The following PRKAA1 variants were observed in gnomAD, a reference collection of about 807,000 sequenced individuals.
The protein encoded by PRKAA1 is protein kinase AMP-activated catalytic subunit alpha 1.
Under a neutral mutation model 56.9 loss-of-function variants are expected in PRKAA1, and 23 were observed. The ratio of observed to expected loss-of-function variants is 0.40; its 90% CI spans 0.29 to 0.57. PRKAA1 has a LOEUF of 0.57. PRKAA1 is among the 20% of genes least tolerant of loss of function. PRKAA1 has a pLI of 0.39. For missense variants in PRKAA1, 413 were observed against 679.7 expected, an observed-to-expected ratio of 0.61 and a Z score of 4.36; for synonymous variants, 226 against 227.0, an observed-to-expected ratio of 1.00 and a Z score of 0.04.
At chr5:40,785,492 C>T (rs1325627394) in intron 1 of PRKAA1, among the ~76,000 whole-genome samples, 3 of 151,920 alleles carry the variant, frequency 2.0e-5, no homozygotes, top group Non-Finnish European at 4.4e-5. Context: ...CGCCCCCCCT[C>T]GGCCTCCCAA....
At position 40,798,285 on chromosome 5, in the gene PRKAA1, C is replaced by G. The variant is rs917467643; in HGVS notation, c.-96G>C. The G allele has an allele frequency of 8.5e-6, 6 of 709,926 alleles. No homozygotes were observed. The highest frequency in any genetic ancestry group is 1.2e-5 in the Non-Finnish European group (6 of 502,854). The allele number at this position is 709,926 out of a possible 1,614,324, so 44.0% of individuals were successfully genotyped here. A position where few individuals can be genotyped will look rare whatever the true frequency, so the allele number is the denominator to read the frequency against. On this transcript the variant is annotated 5_prime_UTR_variant, in exon 1 of 9. Coordinates refer to ENST00000397128, the MANE Select transcript of PRKAA1 (RefSeq NM_006251.6). ...CGGGAGGGCAGCCACCGAGCCGAGT[C>G]ACCGCCCTGCGCCGCCAGCCCAGGC...
Position 40,777,479 on chromosome 5 carries a change from G to T in PRKAA1, c.235C>A (p.Leu79Ile). The T allele has an allele frequency of 6.2e-7, 1 of 1,613,532 alleles. No homozygotes were observed. The highest frequency in any genetic ancestry group is 8.5e-7 in the Non-Finnish European group (1 of 1,179,460). ...ATATGAGGATGCCTGAAAAGCTTGAGGTTCTGAATTTCTCTGCGGATTTTT... is the reference window on the plus strand; with the variant it reads ...ATATGAGGATGCCTGAAAAGCTTGATGTTCTGAATTTCTCTGCGGATTTTT... ...VGKIRREIQN[L>I]KLFRHPHIIK... The change falls in exon 2 of 9, where the codon CTC becomes ATC. Residue 79 changes from leucine (L) to isoleucine (I), a missense_variant. Physicochemically the swap from Leu to Ile is conservative, Grantham distance 5 (BLOSUM62 2). Around this residue, in one of 9 missense-constraint regions of PRKAA1, gnomAD observed 16 missense variants for 30.9 expected, o/e 0.52. Transcript: ENST00000397128.
chr5:40,766,678 G>C (rs191434372), intron 6 of PRKAA1, among the ~76,000 whole-genome samples: 64 of 151,952 alleles, frequency 4.2e-4, no homozygotes, highest in Non-Finnish European at 6.0e-4. Context: ...AAATAAAATA[G>C]CCACCCACAA....
At chr5:40,767,324 AAAAT>A (rs1038810141) in intron 6 of PRKAA1, 138 bp downstream of exon 6, 9 of 626,650 alleles carry the variant, frequency 1.4e-5, no homozygotes, top group Admixed American at 3.5e-5. Flanking sequence ...ATAACAAAAT[AAAAT>A]AAATGTGTCT....
At position 40,765,181 on chromosome 5, in the gene PRKAA1, T is replaced by A; in HGVS notation, c.879A>T (p.Ser293=). ...LPKYLFPEDP[S]YSSTMIDDEA... is the part of the protein sequence containing the mutation. ...CATCATCAATCATGGTTGAACTATATGATGGATCCTCAGGAAAGAGATATT... is the reference window on the plus strand; with the variant it reads ...CATCATCAATCATGGTTGAACTATAAGATGGATCCTCAGGAAAGAGATATT... Residue 293 remains serine (S), a synonymous_variant, in exon 7 of 9, where the codon TCA becomes TCT. Transcript: ENST00000397128. 6.2e-7 allele frequency: 1 copy of A among 1,614,024 alleles called. No individual in the cohort carries two copies. The highest frequency in any genetic ancestry group is 1.6e-4 in the Middle Eastern group (1 of 6,062).
chr5:40,784,529 C>T (rs1327474920), intron 1 of PRKAA1, among the ~76,000 whole-genome samples: 2 of 152,164 alleles, frequency 1.3e-5, no homozygotes, highest in East Asian at 3.8e-4. Flanking sequence ...ACTACAGGAA[C>T]ACTTGTTTGG....
At position 40,765,179 on chromosome 5, in the gene PRKAA1, T is replaced by C. The variant is rs542464918; in HGVS notation, c.881A>G (p.Tyr294Cys). ...TTCATCATCAATCATGGTTGAACTA[T>C]ATGATGGATCCTCAGGAAAGAGATA... is the stretch of plus-strand genomic sequence containing the variant. ...PKYLFPEDPS[Y>C]SSTMIDDEAL... Residue 294 changes from tyrosine to cysteine, a missense_variant, in exon 7 of 9, where the codon TAT (tyrosine) becomes TGT (cysteine). This residue lies in a region of PRKAA1 where 113 missense variants were observed against 198.6 expected (regional missense o/e 0.57). Transcript: ENST00000397128. The C allele has an allele frequency of 4.2e-5, 68 of 1,613,930 alleles. No individual in the cohort carries two copies. The Admixed American group carries it at 6.5e-4, about 15-fold the overall frequency.
Position 40,795,012 on chromosome 5 carries a change from C to T in PRKAA1, c.127+3051G>A, listed in dbSNP as rs895250199. ...ACTGTGGTGTATACATATATATACACACACACACACACACACACACACAAA... is the reference window on the plus strand; with the variant it reads ...ACTGTGGTGTATACATATATATACATACACACACACACACACACACACAAA... On this transcript the variant is annotated intron_variant, in intron 1 of 8. Coordinates refer to ENST00000397128, the MANE Select transcript of PRKAA1 (RefSeq NM_006251.6). Among the ~76,000 whole-genome samples, 81 of 149,648 alleles carry T rather than the reference C, an allele frequency of 5.4e-4. 1 individual carries two copies. The highest frequency in any genetic ancestry group is 1.3e-3 in the African/African-American group (54 of 40,916).
At chr5:40,790,786 C>A (rs1744688755) in intron 1 of PRKAA1, among the ~76,000 whole-genome samples, 1 of 152,152 alleles carries the variant, frequency 6.6e-6, no homozygotes, top group Admixed American at 6.5e-5. Context: ...GATCTGCCCG[C>A]CTTAGCCTCC....
intron 6 of PRKAA1, 40 bp downstream of exon 6, chr5:40,767,426 G>A: frequency 3.3e-6 from 5 of 1,506,788 alleles, no homozygotes; most frequent in Non-Finnish European, 4.6e-6. Flanking sequence ...TTTTATCATG[G>A]ATACTATCAG....
Position 40,765,213 on chromosome 5 carries a change from G to A in PRKAA1, c.847C>T (p.Leu283Phe). The A allele has an allele frequency of 6.2e-7, 1 of 1,613,290 alleles. No individual in the cohort carries two copies. Among genetic ancestry groups the A allele is most frequent in the Non-Finnish European group, 8.5e-7 (1 of 1,179,574 alleles). ...IREHEWFKQD[L>F]PKYLFPEDPS... ...TCCTCAGGAAAGAGATATTTTGGAA[G>A]GTCCTGTTTAAACCATTCATGTTCC... The change falls in exon 7 of 9, where the codon CTT becomes TTT. Residue 283 changes from leucine to phenylalanine, a missense_variant. Around this residue, in one of 9 missense-constraint regions of PRKAA1, gnomAD observed 113 missense variants for 198.6 expected, o/e 0.57. Transcript: ENST00000397128.
At chr5:40,769,379 T>G in intron 5 of PRKAA1, 37 bp downstream of exon 5, 1 of 1,471,168 alleles carries the variant, frequency 6.8e-7, no homozygotes, top group Non-Finnish European at 9.4e-7. Context: ...AAAGACAATT[T>G]CAAATGTATT....
At chr5:40,768,737 A>C in intron 5 of PRKAA1, 2 of 1,310,592 alleles carry the variant, frequency 1.5e-6, no homozygotes, top group Non-Finnish European at 1.9e-6. Flanking sequence ...AAGTTATTAA[A>C]AGTTCATTAT....
intron 1 of PRKAA1, among the ~76,000 whole-genome samples, chr5:40,780,028 C>A (rs1744200296): frequency 6.6e-6 from 1 of 152,148 alleles, no homozygotes; most frequent in Non-Finnish European, 1.5e-5. Flanking sequence ...GGGCAGAAGT[C>A]ATACCTGATT....
In PRKAA1 at chr5:40,764,975, A is replaced by AG; in HGVS notation, c.1084dup (p.Leu362ProfsTer2). 1 of 1,614,200 alleles carries AG rather than the reference A, an allele frequency of 6.2e-7. No homozygotes were observed. Among genetic ancestry groups the AG allele is most frequent in the Non-Finnish European group, 8.5e-7 (1 of 1,180,026 alleles). Reference sequence around the variant, plus strand: ...GGGCCGAGTCAGGTGATGATCATCAAGAAAAGAATCAGGTGGGCTTGTCGC... The same window carrying AG: ...GGGCCGAGTCAGGTGATGATCATCAAGGAAAAGAATCAGGTGGGCTTGTCGC... On this transcript the variant is annotated frameshift_variant, in exon 7 of 9. Transcript: ENST00000397128. LOFTEE classifies it high-confidence loss of function.
intron 6 of PRKAA1, among the ~76,000 whole-genome samples, 171 bp downstream of exon 6, chr5:40,767,295 A>T (rs1002424): frequency 6.6e-6 from 1 of 152,028 alleles, no homozygotes; most frequent in Non-Finnish European, 1.5e-5. Flanking sequence ...TAAGGTAACC[A>T]GTTTACTATG....
intron 1 of PRKAA1, among the ~76,000 whole-genome samples, chr5:40,797,567 C>T (rs1213099680): frequency 6.6e-6 from 1 of 152,224 alleles, no homozygotes; most frequent in African/African-American, 2.4e-5. Context: ...ACATTTCGCA[C>T]TCGGGAAACA....
chr5:40,773,465 A>G (rs1209505560), intron 3 of PRKAA1, among the ~76,000 whole-genome samples: 2 of 152,228 alleles, frequency 1.3e-5, no homozygotes, highest in Non-Finnish European at 2.9e-5. Flanking sequence ...TACATTTCCA[A>G]TTAAATGTAA....
At chr5:40,773,757 T>C (rs905444240) in intron 3 of PRKAA1, among the ~76,000 whole-genome samples, 11 of 152,330 alleles carry the variant, frequency 7.2e-5, no homozygotes, top group Non-Finnish European at 1.2e-4. Context: ...AAGTGAGAGA[T>C]GAGCTGAAAA....
Sources: gnomAD v4.1 joint callset for allele counts (sites outside exome capture counted in the v4.1 genomes callset) on GRCh38, gnomAD v4.1.1 for gene constraint, gnomAD v4.1.1 regional missense constraint, MANE v1.5 for transcripts, NCBI Gene and HGNC (gene_info 2026-07-23, HGNC 2026-07-21) for gene names.